Variants in CDH13 observed in about 807,000 individuals in gnomAD.
CDH13 encodes the protein cadherin 13.
In CDH13, 24 loss-of-function variants were observed where a neutral mutation model predicts 63.8. That is an observed-to-expected ratio of 0.38 (90% CI 0.27 to 0.53). CDH13 has a LOEUF of 0.53. CDH13 is among the 20% of genes least tolerant of loss of function. CDH13 has a pLI of 0.85. For missense variants in CDH13, 1,049 were observed against 903.1 expected (o/e 1.16, Z -2.07); for synonymous variants, 503 against 355.3 (o/e 1.42, Z -4.67).
chr16:82,632,458 G>A (rs888144537), intron 1 of CDH13, among the ~76,000 whole-genome samples: 37 of 152,262 alleles, frequency 2.4e-4, no homozygotes, highest in Admixed American at 2.2e-3. Flanking sequence ...CACCCAGAGA[G>A]ACATAGCACC....
rs1014484583 is a variant in CDH13, at chr16:83,702,585, C to G, written c.1538+24124C>G. 8.5e-5 allele frequency among the ~76,000 whole-genome samples: 13 copies of G among 152,182 alleles called. 1 individual carries two copies. The highest frequency in any genetic ancestry group is 5.9e-4 in the Admixed American group (9 of 15,278). On this transcript the variant is annotated intron_variant, in intron 10 of 13. Coordinates refer to ENST00000567109, the MANE Select transcript of CDH13 (RefSeq NM_001257.5). ...CTGCATTAGAAACTGAGAAGTTCAG[C>G]CCGCCTGTATGTTCAAAAAGAAGAT... is the stretch of plus-strand genomic sequence containing the variant.
chr16:83,449,569 C>T (rs17216637), intron 6 of CDH13, among the ~76,000 whole-genome samples: 1 of 152,180 alleles, frequency 6.6e-6, no homozygotes, highest in Non-Finnish European at 1.5e-5. Flanking sequence ...CTTGGAATTT[C>T]GCTTCTACCA....
chr16:83,316,763 T>G (rs1248232216), intron 5 of CDH13, among the ~76,000 whole-genome samples: 1 of 152,202 alleles, frequency 6.6e-6, no homozygotes, highest in Non-Finnish European at 1.5e-5. Context: ...AGCTAAGGTA[T>G]TAGTTGGGTT....
chr16:82,703,512 T>C (rs934833435), intron 1 of CDH13, among the ~76,000 whole-genome samples: 2 of 151,988 alleles, frequency 1.3e-5, no homozygotes, highest in African/African-American at 4.8e-5. Context: ...TTTCTCAGAG[T>C]CTCCAGGGAG....
intron 2 of CDH13, among the ~76,000 whole-genome samples, chr16:82,947,117 A>G (rs1396712210): frequency 6.6e-6 from 1 of 151,442 alleles, no homozygotes; most frequent in Non-Finnish European, 1.5e-5. Flanking sequence ...AATGCTAGCT[A>G]GTTGATGTCA....
At chr16:82,699,329 C>G (rs536815447) in intron 1 of CDH13, among the ~76,000 whole-genome samples, 42 of 152,248 alleles carry the variant, frequency 2.8e-4, no homozygotes, top group Middle Eastern at 6.8e-3. Flanking sequence ...TCCAGGAGGA[C>G]CACCGGTAGT....
intron 1 of CDH13, among the ~76,000 whole-genome samples, chr16:82,647,258 A>G (rs1910203693): frequency 6.6e-6 from 1 of 152,192 alleles, no homozygotes; most frequent in Non-Finnish European, 1.5e-5. Flanking sequence ...GGCCTCAGAA[A>G]ATAGAAGCTG....
chr16:83,218,339 G>T (rs2039599792), intron 5 of CDH13, among the ~76,000 whole-genome samples: 1 of 152,174 alleles, frequency 6.6e-6, no homozygotes, highest in African/African-American at 2.4e-5. Context: ...CAGGCCCTGG[G>T]AGGATGCGGG....
At chr16:83,095,740 T>C (rs1234286900) in intron 3 of CDH13, among the ~76,000 whole-genome samples, 1 of 152,100 alleles carries the variant, frequency 6.6e-6, no homozygotes, top group Admixed American at 6.6e-5. Flanking sequence ...AAAAATCAAG[T>C]TCATGAAGTT....
intron 6 of CDH13, among the ~76,000 whole-genome samples, chr16:83,367,962 T>A (rs888215213): frequency 1.3e-5 from 2 of 152,222 alleles, no homozygotes; most frequent in Non-Finnish European, 2.9e-5. Context: ...CCTTCAACAA[T>A]GTTTTATAGT....
At chr16:83,290,140 A>C (rs1266157092) in intron 5 of CDH13, among the ~76,000 whole-genome samples, 1 of 152,196 alleles carries the variant, frequency 6.6e-6, no homozygotes, top group African/African-American at 2.4e-5. Context: ...TTGTTGTTGC[A>C]TATCGTTTGT....
At chr16:83,166,030 A>G (rs994229295) in intron 4 of CDH13, among the ~76,000 whole-genome samples, 60 of 152,110 alleles carry the variant, frequency 3.9e-4, no homozygotes, top group African/African-American at 1.3e-3. Context: ...GGAGATGTGC[A>G]TTGTTTGTGG....
intron 4 of CDH13, among the ~76,000 whole-genome samples, chr16:83,174,189 AT>A (rs2038031360): frequency 6.6e-6 from 1 of 152,036 alleles, no homozygotes; most frequent in East Asian, 1.9e-4. Context: ...ACTGAAAAGG[AT>A]GAGGTCAGTT....
At chr16:83,275,094 C>G (rs554816493) in intron 5 of CDH13, among the ~76,000 whole-genome samples, 1 of 152,158 alleles carries the variant, frequency 6.6e-6, no homozygotes, top group Non-Finnish European at 1.5e-5. Flanking sequence ...GTCACTCCTA[C>G]TATATTCCCA....
chr16:82,802,634 C>G (rs576620484), intron 1 of CDH13, among the ~76,000 whole-genome samples: 2 of 152,260 alleles, frequency 1.3e-5, no homozygotes, highest in South Asian at 4.2e-4. Flanking sequence ...TATTCTTTGT[C>G]TCCAACCGCA....
At position 82,627,049 on chromosome 16, in the gene CDH13, C is replaced by A. The variant is rs1166619302; in HGVS notation, c.-44C>A. Reference sequence around the variant, plus strand: ...ACGGAAAATATGCTCAGTGCAGCCGCGTGCATGAATGAAAACGCCGCCGGG... The same window carrying A: ...ACGGAAAATATGCTCAGTGCAGCCGAGTGCATGAATGAAAACGCCGCCGGG... On this transcript the variant is annotated 5_prime_UTR_variant, in exon 1 of 14. Coordinates refer to ENST00000567109, the MANE Select transcript of CDH13 (RefSeq NM_001257.5). 47 of 1,572,102 alleles carry A rather than the reference C, an allele frequency of 3.0e-5. No individual in the cohort carries two copies. Among genetic ancestry groups the A allele is most frequent in the Non-Finnish European group, 4.0e-5 (46 of 1,158,386 alleles).
chr16:82,984,864 A>T (rs905548221), intron 2 of CDH13, among the ~76,000 whole-genome samples: 1 of 152,120 alleles, frequency 6.6e-6, no homozygotes, highest in Non-Finnish European at 1.5e-5. Context: ...CTCCATAACT[A>T]TTAGCTAATG....
rs1181022598 is a variant in CDH13, at chr16:83,317,814, AAGG to A, written c.637-27046_637-27044del. Among the ~76,000 whole-genome samples the A allele has an allele frequency of 3.4e-3, 517 of 151,986 alleles. 3 individuals carry two copies. Among genetic ancestry groups the A allele is most frequent in the African/African-American group, 0.012 (488 of 41,468 alleles). On this transcript the variant is annotated intron_variant, in intron 5 of 13. Coordinates refer to ENST00000567109, the MANE Select transcript of CDH13 (RefSeq NM_001257.5). ...GACTCTGTCTCAAGAAAAAAAAAAAAAGGAATCCAGTCTGCCACATCAATGCTC... is the reference window on the plus strand; with the variant it reads ...GACTCTGTCTCAAGAAAAAAAAAAAAAATCCAGTCTGCCACATCAATGCTC...
intron 6 of CDH13, among the ~76,000 whole-genome samples, chr16:83,403,803 C>G (rs147932575): frequency 1.5e-3 from 227 of 152,094 alleles, no homozygotes; most frequent in Non-Finnish European, 2.0e-3. Flanking sequence ...AGAGAATATT[C>G]TTACCTAGAT....
Sources: gnomAD v4.1 joint callset for allele counts (sites outside exome capture counted in the v4.1 genomes callset) on GRCh38, gnomAD v4.1.1 for gene constraint, MANE v1.5 for transcripts, NCBI Gene and HGNC (gene_info 2026-07-23, HGNC 2026-07-21) for gene names.